Variants in FHAD1 observed in about 807,000 individuals in gnomAD.
FHAD1 encodes the protein forkhead-associated domain-containing protein 1.
Under a neutral mutation model 191.3 loss-of-function variants are expected in FHAD1, and 146 were observed. That is an observed-to-expected ratio of 0.76 (90% confidence interval 0.67 to 0.88). FHAD1 has a LOEUF of 0.88. Among genes scored for constraint, FHAD1 ranks in the 40% least tolerant of loss-of-function variants. The pLI is 0.00. For missense variants in FHAD1, 1,635 were observed against 1,785.8 expected (o/e 0.92, Z 1.52); for synonymous variants, 616 against 672.3 (o/e 0.92, Z 1.29).
At position 15,329,165 on chromosome 1, in the gene FHAD1, A is replaced by C. The variant is rs1680186873; in HGVS notation, c.1711-181A>C. 3 of 507,358 alleles carry C rather than the reference A, an allele frequency of 5.9e-6. No homozygotes were observed. The highest frequency in any genetic ancestry group is 4.3e-5 in the South Asian group (1 of 23,336). The allele number at this position is 507,358 out of a possible 1,614,324, so 31.4% of individuals were successfully genotyped here. A position where few individuals can be genotyped will look rare whatever the true frequency, so the allele number is the denominator to read the frequency against. Reference sequence around the variant, plus strand: ...ATCAAAAGTCCAAATTAGAGTATTAAAAAAAAACCTGTCAAAACATAAAAA... The same window carrying C: ...ATCAAAAGTCCAAATTAGAGTATTACAAAAAAACCTGTCAAAACATAAAAA... On this transcript the variant is annotated intron_variant, in intron 13 of 33. Transcript: ENST00000688493. The surrounding 1 kb of genome is among the most constrained non-coding windows in gnomAD (Gnocchi z 5.0).
intron 26 of FHAD1, among the ~76,000 whole-genome samples, chr1:15,374,266 G>C (rs1047109338): frequency 6.6e-6 from 1 of 152,186 alleles, no homozygotes; most frequent in Admixed American, 6.5e-5. Context: ...GAGAGGGAAC[G>C]TGGAGGGGCT....
At chr1:15,314,859 T>TATGGGTAG (rs2101301565) in intron 8 of FHAD1, among the ~76,000 whole-genome samples, 1 of 60,976 alleles carries the variant, frequency 1.6e-5, no homozygotes, top group African/African-American at 6.4e-5. Flanking sequence ...GGCGTGTGGA[T>TATGGGTAG]GTGTGGGTGT....
chr1:15,293,961 C>G (rs1666006292), intron 4 of FHAD1, among the ~76,000 whole-genome samples: 1 of 152,132 alleles, frequency 6.6e-6, no homozygotes, highest in Non-Finnish European at 1.5e-5. Flanking sequence ...TCAGATCTGC[C>G]TGGGCGTCAC....
At chr1:15,399,430 G>A (rs1294759526), downstream of FHAD1, among the ~76,000 whole-genome samples, 1 of 152,070 alleles carries the variant, frequency 6.6e-6, no homozygotes, top group Non-Finnish European at 1.5e-5. Flanking sequence ...AGCTGGCATG[G>A]TGGTGTGTGC....
chr1:15,395,788 A>G (rs1480998413), intron 33 of FHAD1, among the ~76,000 whole-genome samples: 1 of 149,440 alleles, frequency 6.7e-6, no homozygotes, highest in Non-Finnish European at 1.5e-5. Context: ...TTAAAACATT[A>G]TGGGATAATT....
intron 3 of FHAD1, among the ~76,000 whole-genome samples, chr1:15,284,478 CAAA>C (rs34856227): frequency 0.02 from 2,365 of 118,640 alleles, 63 homozygotes; most frequent in African/African-American, 0.071. Context: ...GACTCCATCT[CAAA>C]AAAAAAAAAA....
intron 4 of FHAD1, among the ~76,000 whole-genome samples, chr1:15,290,430 T>C (rs1455231514): frequency 1.3e-5 from 2 of 152,132 alleles, no homozygotes; most frequent in Non-Finnish European, 2.9e-5. Flanking sequence ...GTCCTCTTTG[T>C]CCCAGCCCCA....
Position 15,380,709 on chromosome 1 carries a change from T to G in FHAD1, c.3714T>G (p.Asn1238Lys), listed in dbSNP as rs1700706976. 1 of 1,551,492 alleles carries G rather than the reference T, an allele frequency of 6.4e-7. No individual in the cohort carries two copies. The highest frequency in any genetic ancestry group is 1.4e-5 in the African/African-American group (1 of 73,038). ...TTTCTTTCTGATTTCAGCCTCAGAA[T>G]GGCCTTTGCAACGCAAGGTTCGGCT... ...LSRIEILAPQ[N>K]GLCNARFGSA... The change falls in exon 29 of 34, where the codon AAT (asparagine) becomes AAG (lysine). Residue 1238 changes from asparagine to lysine, a missense_variant. Transcript: ENST00000688493.
intron 2 of FHAD1, among the ~76,000 whole-genome samples, chr1:15,254,738 C>T (rs961920849): frequency 4.6e-5 from 7 of 152,090 alleles, no homozygotes; most frequent in Non-Finnish European, 8.8e-5. Flanking sequence ...CACTGGCTCC[C>T]GAGAGAACAG....
intron 26 of FHAD1, 37 bp from the exon 27 acceptor site, chr1:15,374,465 C>A: frequency 6.4e-7 from 1 of 1,550,432 alleles, no homozygotes; most frequent in South Asian, 1.2e-5. Context: ...ATCTTCTAAT[C>A]CCTGATCAAA....
intron 23 of FHAD1, among the ~76,000 whole-genome samples, chr1:15,363,519 G>A (rs1024095020): frequency 6.6e-6 from 1 of 152,188 alleles, no homozygotes; most frequent in African/African-American, 2.4e-5. Context: ...AAGTAAGGCT[G>A]TACATGCCTA....
rs1224859510 is a variant in FHAD1 at position 15,388,704 on chromosome 1, AC to A, written c.4269+574del. On this transcript the variant is annotated intron_variant, in intron 32 of 33. Transcript: ENST00000688493. ...TTTACTCCGACCTTCCTGGCAGCCA[AC>A]GAGAAATGGGAAACCAACTTGGTCA... 5.9e-5 allele frequency among the ~76,000 whole-genome samples: 9 copies of A among 152,230 alleles called. No individual in the cohort carries two copies. The East Asian group carries it at 1.7e-3, about 30-fold the overall frequency.
At chr1:15,293,229 T>C (rs1665503314) in intron 4 of FHAD1, among the ~76,000 whole-genome samples, 1 of 152,306 alleles carries the variant, frequency 6.6e-6, no homozygotes, top group African/African-American at 2.4e-5. Flanking sequence ...GGAAGCTCCC[T>C]CAGGTCCCTT....
chr1:15,308,884 C>T, intron 7 of FHAD1, 148 bp downstream of exon 7: 1 of 1,262,206 alleles, frequency 7.9e-7, no homozygotes. Context: ...TAGGCAGTTC[C>T]TGTCCATGAA....
intron 8 of FHAD1, among the ~76,000 whole-genome samples, chr1:15,314,100 T>TAA (rs1558081911): frequency 6.9e-6 from 1 of 144,356 alleles, no homozygotes; most frequent in African/African-American, 2.6e-5. Flanking sequence ...ATAATAATAA[T>TAA]AACTATTTGC....
rs13375055 is a variant in FHAD1 at position 15,240,030 on chromosome 1, T to C, written c.-15+3269T>C. On this transcript the variant is annotated intron_variant, in intron 1 of 33. Transcript: ENST00000683790. ...CACACCTCTGTGGTATCCTCTCCCT[T>C]GAGTCGGGGCAGGACCTGTAACTTA... Among the ~76,000 whole-genome samples the C allele has an allele frequency of 5.9e-3, 894 of 152,314 alleles. 16 individuals are homozygous for C. Among genetic ancestry groups the C allele is most frequent in the African/African-American group, 0.02 (848 of 41,564 alleles).
intron 5 of FHAD1, among the ~76,000 whole-genome samples, chr1:15,297,874 GT>G (rs1486253553): frequency 6.6e-6 from 1 of 151,706 alleles, no homozygotes; most frequent in Non-Finnish European, 1.5e-5. Flanking sequence ...GTTTTTATTA[GT>G]TTTCTTTTTT....
chr1:15,382,056 C>G lies in FHAD1; in HGVS notation c.4051C>G (p.Gln1351Glu). Residue 1351 changes from glutamine to glutamate, a missense_variant, in exon 31 of 34, where the codon CAG becomes GAG. Coordinates refer to ENST00000688493, the MANE Select transcript of FHAD1 (RefSeq NM_001391957.1). ...GAGCAAAGTGTCCATTGAGATGTACCAGTCGCAGGTGGCAAAGCTGGAGGA... is the reference window on the plus strand; with the variant it reads ...GAGCAAAGTGTCCATTGAGATGTACGAGTCGCAGGTGGCAAAGCTGGAGGA... The part of the protein sequence containing the change: ...RRSKVSIEMY[Q>E]SQVAKLEDDI... 6.4e-7 allele frequency: 1 copy of G among 1,552,080 alleles called. No individual in the cohort carries two copies.
At chr1:15,336,143 G>A (rs1221660477) in intron 14 of FHAD1, among the ~76,000 whole-genome samples, 1 of 152,174 alleles carries the variant, frequency 6.6e-6, no homozygotes, top group Non-Finnish European at 1.5e-5. Context: ...ACAGATCTAG[G>A]TCTGAATTCT....
Sources: allele counts gnomAD v4.1 joint callset (sites outside exome capture counted in the v4.1 genomes callset), GRCh38; gene constraint gnomAD v4.1.1; non-coding constraint Gnocchi (gnomAD v3.1); transcripts MANE v1.5; gene names NCBI Gene and HGNC (gene_info 2026-07-23, HGNC 2026-07-21).